ARHGAP10: variants seen among roughly 807,000 people sequenced by gnomAD.
ARHGAP10 encodes the protein Rho GTPase activating protein 10, also known as rho GTPase-activating protein 10.
Under a neutral mutation model 108.6 loss-of-function variants are expected in ARHGAP10, and 87 were observed. The observed-to-expected ratio is 0.80, with a 90% CI of 0.67 to 0.96. The LOEUF is 0.96. Among genes scored for constraint, ARHGAP10 ranks in the 40% least tolerant of loss-of-function variants. ARHGAP10 has a pLI of 0.00. For missense variants in ARHGAP10, 939 were observed against 954.5 expected, an observed-to-expected ratio of 0.98 and a Z score of 0.21; for synonymous variants, 347 against 341.1, an observed-to-expected ratio of 1.02 and a Z score of -0.19.
chr4:148,053,860 C>T (rs1318581792), intron 20 of ARHGAP10, among the ~76,000 whole-genome samples: 3 of 152,202 alleles, frequency 2.0e-5, no homozygotes, highest in East Asian at 1.9e-4. Flanking sequence ...TAATTCGTGC[C>T]TTCCTTTGCT....
Position 147,798,496 on chromosome 4 carries a change from A to C in ARHGAP10, c.155-24231A>C, listed in dbSNP as rs28667516. Among the ~76,000 whole-genome samples the C allele has an allele frequency of 8.4e-3, 1,273 of 151,752 alleles. 20 individuals carry two copies. The highest frequency in any genetic ancestry group is 0.029 in the African/African-American group (1,217 of 41,258). ...GCAGCCTAGGTGGGTGGATCACTTG[A>C]GTCCAGGAGTTTGTGACCAGCCTGG... On this transcript the variant is annotated intron_variant, in intron 1 of 22. Transcript: ENST00000336498.
At chr4:147,978,440 G>A (rs1397332305) in intron 18 of ARHGAP10, among the ~76,000 whole-genome samples, 1 of 152,154 alleles carries the variant, frequency 6.6e-6, no homozygotes, top group African/African-American at 2.4e-5. Flanking sequence ...GTAATTCCCA[G>A]TGTTGAGGGA....
chr4:147,924,270 AC>A (rs1315267948), intron 13 of ARHGAP10, among the ~76,000 whole-genome samples: 1 of 151,996 alleles, frequency 6.6e-6, no homozygotes, highest in Non-Finnish European at 1.5e-5. Flanking sequence ...CCTTGCCTTT[AC>A]CCCTCGTCCA....
intron 1 of ARHGAP10, among the ~76,000 whole-genome samples, chr4:147,764,046 C>T (rs932304936): frequency 6.6e-6 from 1 of 152,134 alleles, no homozygotes; most frequent in African/African-American, 2.4e-5. Flanking sequence ...CATGGTGAAC[C>T]ACCATGCCTG....
At chr4:147,816,134 A>G (rs1001761631) in intron 1 of ARHGAP10, among the ~76,000 whole-genome samples, 13 of 152,026 alleles carry the variant, frequency 8.6e-5, no homozygotes, top group Non-Finnish European at 1.5e-4. Flanking sequence ...TTCTCGTCCT[A>G]TCTCCCATCC....
At position 148,050,595 on chromosome 4, in the gene ARHGAP10, G is replaced by T. The variant is rs530906348; in HGVS notation, c.2027+3544G>T. Among the ~76,000 whole-genome samples the T allele has an allele frequency of 2.6e-5, 4 of 151,568 alleles. No homozygotes were observed. In the South Asian group the frequency reaches 8.3e-4, roughly 32 times the overall value. On this transcript the variant is annotated intron_variant, in intron 20 of 22. Transcript: ENST00000336498. ...TCACTGCGTTAGCCAGGATGGTCTC[G>T]ATCTCCTGACCTCGTGATCCACCCA...
At chr4:147,843,344 C>T (rs1212297412) in intron 3 of ARHGAP10, among the ~76,000 whole-genome samples, 1 of 152,208 alleles carries the variant, frequency 6.6e-6, no homozygotes, top group African/African-American at 2.4e-5. Context: ...GTCATCCTCT[C>T]TCTCTACTGC....
chr4:147,873,681 A>AAACACACACACAC (rs749604498), intron 7 of ARHGAP10, among the ~76,000 whole-genome samples: 1 of 98,720 alleles, frequency 1.0e-5, no homozygotes, highest in African/African-American at 3.6e-5. Flanking sequence ...CAAAAAACAA[A>AAACACACACACAC]ACACACACAC....
chr4:147,841,394 T>C (rs1202517199), intron 3 of ARHGAP10, among the ~76,000 whole-genome samples: 6 of 152,248 alleles, frequency 3.9e-5, no homozygotes, highest in Non-Finnish European at 2.9e-5. Context: ...TCTAATATGT[T>C]AGTATTTGAA....
chr4:147,789,924 G>A (rs941575333), intron 1 of ARHGAP10, among the ~76,000 whole-genome samples: 4 of 151,962 alleles, frequency 2.6e-5, no homozygotes, highest in Non-Finnish European at 5.9e-5. Flanking sequence ...GGCTCACATC[G>A]GAACCTTTCC....
intron 20 of ARHGAP10, among the ~76,000 whole-genome samples, chr4:148,050,568 T>G (rs1578828740): frequency 6.6e-6 from 1 of 151,758 alleles, no homozygotes; most frequent in Non-Finnish European, 1.5e-5. Flanking sequence ...AGAGACGGGG[T>G]TTCACTGCGT....
chr4:147,806,675 G>A (rs943301447), intron 1 of ARHGAP10, among the ~76,000 whole-genome samples: 2 of 152,096 alleles, frequency 1.3e-5, no homozygotes, highest in African/African-American at 4.8e-5. Context: ...TGTCTGGCAG[G>A]TACCCTGTGA....
At chr4:147,925,152 C>T in intron 13 of ARHGAP10, among the ~76,000 whole-genome samples, 1 of 152,044 alleles carries the variant, frequency 6.6e-6, no homozygotes, top group Admixed American at 6.6e-5. Flanking sequence ...AGTAAAATAG[C>T]CAGAGGCTCA....
intron 1 of ARHGAP10, among the ~76,000 whole-genome samples, chr4:147,793,152 G>A (rs887963635): frequency 2.6e-5 from 4 of 151,342 alleles, no homozygotes; most frequent in African/African-American, 9.7e-5. Context: ...AAAAGAAAAT[G>A]TGTGTGTATG....
chr4:147,943,056 T>G (rs1738220748), intron 14 of ARHGAP10, among the ~76,000 whole-genome samples: 1 of 152,226 alleles, frequency 6.6e-6, no homozygotes, highest in African/African-American at 2.4e-5. Context: ...GAGTCATGGT[T>G]TTTTAGTAAA....
chr4:147,874,287 G>A lies in ARHGAP10; in HGVS notation c.703-734G>A, dbSNP rs909194799. 4.6e-5 allele frequency among the ~76,000 whole-genome samples: 7 copies of A among 152,176 alleles called. No homozygotes were observed. In the East Asian group the frequency reaches 7.7e-4, roughly 17 times the overall value. On this transcript the variant is annotated intron_variant, in intron 7 of 22. Transcript: ENST00000336498. ...GAGCCTGGATGAAAGAAGTGTCCAG[G>A]AACACGGTGGTGCTGACTCGTCACA...
intron 3 of ARHGAP10, among the ~76,000 whole-genome samples, chr4:147,824,846 C>T (rs1004211756): frequency 2.0e-5 from 3 of 152,174 alleles, no homozygotes; most frequent in African/African-American, 7.2e-5. Context: ...CAGAGCCAAA[C>T]CATATCAGCC....
intron 15 of ARHGAP10, among the ~76,000 whole-genome samples, chr4:147,953,829 T>C (rs2126981819): frequency 6.6e-6 from 1 of 152,094 alleles, no homozygotes; most frequent in African/African-American, 2.4e-5. Flanking sequence ...TCCTCATAGC[T>C]CATTAAGGTA....
At chr4:147,824,411 C>T (rs1427302380) in intron 3 of ARHGAP10, among the ~76,000 whole-genome samples, 1 of 151,836 alleles carries the variant, frequency 6.6e-6, no homozygotes, top group Non-Finnish European at 1.5e-5. Context: ...ATGAGTGGGT[C>T]TAGATGTGGT....
Sources: gnomAD v4.1 joint callset for allele counts (sites outside exome capture counted in the v4.1 genomes callset) on GRCh38, gnomAD v4.1.1 for gene constraint, MANE v1.5 for transcripts, NCBI Gene and HGNC (gene_info 2026-07-23, HGNC 2026-07-21) for gene names.